EDAR: variants seen among roughly 807,000 people sequenced by gnomAD.
The protein encoded by EDAR is ectodysplasin A receptor.
Under a neutral mutation model 51.3 loss-of-function variants are expected in EDAR, and 38 were observed. The ratio of observed to expected loss-of-function variants is 0.74; its 90% confidence interval spans 0.57 to 0.97. The LOEUF is 0.97. Among genes scored for constraint, EDAR ranks in the 50% least tolerant of loss-of-function variants. The pLI, the probability that EDAR is intolerant of heterozygous loss-of-function variation, is 0.00. For missense variants in EDAR, 528 were observed against 595.0 expected, an observed-to-expected ratio of 0.89 and a Z score of 1.17; for synonymous variants, 227 against 242.1, an observed-to-expected ratio of 0.94 and a Z score of 0.58.
At chr2:108,929,420 C>T (rs377165508) in intron 3 of EDAR, 41 bp from the exon 4 acceptor site, 22 of 1,603,288 alleles carry the variant, frequency 1.4e-5, no homozygotes, top group Non-Finnish European at 1.8e-5. Context: ...GTGAGTGCAG[C>T]AGCCAAACCA....
Position 108,912,701 on chromosome 2 carries a change from G to A in EDAR, c.506C>T (p.Ser169Phe), listed in dbSNP as rs138954516. ...FPGTSGSSTL[S>F]PFQHAHKELS... ...ACCTTTGTGGGCGTGCTGGAAGGGAGACAGGGTGCTGCTGCCCGAGGTGCC... is the reference window on the plus strand; with the variant it reads ...ACCTTTGTGGGCGTGCTGGAAGGGAAACAGGGTGCTGCTGCCCGAGGTGCC... The change falls in exon 6 of 12, where the codon TCT becomes TTT. Residue 169 changes from serine (S) to phenylalanine (F), a missense_variant. Coordinates refer to ENST00000258443, the MANE Select transcript of EDAR (RefSeq NM_022336.4). 1.8e-5 allele frequency: 29 copies of A among 1,599,840 alleles called. No individual in the cohort carries two copies. The Admixed American group carries it at 4.6e-4, about 26-fold the overall frequency.
intron 6 of EDAR, among the ~76,000 whole-genome samples, chr2:108,911,308 C>G (rs913666532): frequency 1.3e-5 from 2 of 152,184 alleles, no homozygotes; most frequent in Admixed American, 6.5e-5. Flanking sequence ...CCAGACTTCT[C>G]TGGGGTCACC....
chr2:108,983,445 G>A (rs1698447555), intron 1 of EDAR, among the ~76,000 whole-genome samples: 1 of 152,086 alleles, frequency 6.6e-6, no homozygotes. Flanking sequence ...CATCTAACTG[G>A]GTAAATAAAA....
intron 1 of EDAR, among the ~76,000 whole-genome samples, chr2:108,966,113 T>C (rs1398755848): frequency 2.0e-5 from 3 of 152,212 alleles, no homozygotes; most frequent in Non-Finnish European, 1.5e-5. Flanking sequence ...AAGAAAGTCA[T>C]TAACACCTCA....
intron 5 of EDAR, among the ~76,000 whole-genome samples, chr2:108,921,471 G>T (rs1321330470): frequency 6.6e-6 from 1 of 152,210 alleles, no homozygotes. Flanking sequence ...GGAGGAAGAG[G>T]TGCTCTTGAC....
chr2:108,954,478 T>A (rs1697882872), intron 1 of EDAR, among the ~76,000 whole-genome samples: 1 of 152,132 alleles, frequency 6.6e-6, no homozygotes, highest in Non-Finnish European at 1.5e-5. Context: ...CCTGAAACTA[T>A]CCTTGGAAAA....
At chr2:108,967,633 T>C (rs1698170046) in intron 1 of EDAR, among the ~76,000 whole-genome samples, 1 of 152,232 alleles carries the variant, frequency 6.6e-6, no homozygotes. Context: ...AGAGTGTGTC[T>C]TTGTAGGAAA....
chr2:108,897,326 A>C lies in EDAR; in HGVS notation c.1025-97T>G, dbSNP rs1000629475. 2.4e-6 allele frequency: 3 copies of C among 1,266,230 alleles called. No homozygotes were observed. The African/African-American group carries it at 4.5e-5, about 19-fold the overall frequency. The allele number at this position is 1,266,230 out of a possible 1,614,324, so 78.4% of individuals were successfully genotyped here. ...TTAAATGAAATAAAAATTATTTGAA[A>C]AAAATTTTTTTAAAATTATAAAACA... is the stretch of plus-strand genomic sequence containing the variant. On this transcript the variant is annotated intron_variant, in intron 11 of 11. Coordinates refer to ENST00000258443, the MANE Select transcript of EDAR (RefSeq NM_022336.4).
intron 1 of EDAR, among the ~76,000 whole-genome samples, chr2:108,951,743 G>C (rs1201201937): frequency 2.0e-5 from 3 of 151,748 alleles, no homozygotes; most frequent in Admixed American, 2.0e-4. Flanking sequence ...GCGAGTCCAC[G>C]AGGTTCTCTT....
At chr2:108,949,003 G>A (rs1438795414) in intron 1 of EDAR, among the ~76,000 whole-genome samples, 2 of 152,162 alleles carry the variant, frequency 1.3e-5, no homozygotes, top group Non-Finnish European at 2.9e-5. Flanking sequence ...TTTAGGCAGA[G>A]TCTCACTCTG....
chr2:108,932,984 G>A (rs974787071), intron 1 of EDAR, among the ~76,000 whole-genome samples: 1 of 152,138 alleles, frequency 6.6e-6, no homozygotes, highest in Non-Finnish European at 1.5e-5. Context: ...CCTCGCTCCC[G>A]TAGGAAGAGG....
In EDAR at chr2:108,914,184, C is replaced by T. The variant is rs187651694; in HGVS notation, c.443-1420G>A. On this transcript the variant is annotated intron_variant, in intron 5 of 11. Transcript: ENST00000258443. ...CTGAGGTAGGAGAATCGCTTGAACC[C>T]GGGAGGTGGAGGTTGCAGTGAGCCG... 4.6e-3 allele frequency among the ~76,000 whole-genome samples: 697 copies of T among 151,268 alleles called. 6 individuals carry two copies. Among genetic ancestry groups the T allele is most frequent in the African/African-American group, 0.016 (648 of 41,110 alleles).
chr2:108,894,507 T>C lies in EDAR; in HGVS notation c.*2400A>G, dbSNP rs1696541818. On this transcript the variant is annotated 3_prime_UTR_variant, in exon 12 of 12. Coordinates refer to ENST00000258443, the MANE Select transcript of EDAR (RefSeq NM_022336.4). The stretch of plus-strand genomic sequence containing the variant: ...TGTTTATTGAGATTATAAAATATAA[T>C]AAGTTATATATATACAGAATTAGAC... 1 of 152,448 alleles carries C rather than the reference T, an allele frequency of 6.6e-6. No individual in the cohort carries two copies. The highest frequency in any genetic ancestry group is 1.5e-5 in the Non-Finnish European group (1 of 68,006). 9.4% of individuals were successfully genotyped at this position (152,448 alleles called of 1,614,324 possible).
At chr2:108,980,604 A>G (rs1449256154) in intron 1 of EDAR, among the ~76,000 whole-genome samples, 1 of 152,164 alleles carries the variant, frequency 6.6e-6, no homozygotes, top group East Asian at 1.9e-4. Context: ...GTAAAACAGG[A>G]GTCCAGGGGT....
rs200208516 is a variant in EDAR, at chr2:108,910,941, C to T, written c.655+6G>A. On this transcript the variant is annotated splice_donor_region_variant and intron_variant, in intron 7 of 11. Transcript: ENST00000258443. ...AAGCAGGGCACCGGCGCATGGGGGC[C>T]GTCACCTGGGGCAGAGGGCTTTGTC... 50 of 1,613,940 alleles carry T rather than the reference C, an allele frequency of 3.1e-5. No individual in the cohort carries two copies. Among genetic ancestry groups the T allele is most frequent in the Middle Eastern group, 3.3e-4 (2 of 6,082 alleles).
chr2:108,955,662 C>A (rs542534284), intron 1 of EDAR, among the ~76,000 whole-genome samples: 1 of 151,400 alleles, frequency 6.6e-6, no homozygotes, highest in African/African-American at 2.4e-5. Context: ...GCCGAGATCA[C>A]ACCACTGCAC....
At chr2:108,932,230 ATAAAT>A (rs1223136733) in intron 1 of EDAR, among the ~76,000 whole-genome samples, 1 of 152,172 alleles carries the variant, frequency 6.6e-6, no homozygotes, top group African/African-American at 2.4e-5. Context: ...ATTATTGGAA[ATAAAT>A]TAAGTTGGAG....
chr2:108,979,380 TC>T (rs1450784642), intron 1 of EDAR, among the ~76,000 whole-genome samples: 1 of 151,238 alleles, frequency 6.6e-6, no homozygotes, highest in Admixed American at 6.6e-5. Context: ...CCCCACCACT[TC>T]CCCCAGCCTG....
At chr2:108,917,693 G>A (rs1010653789) in intron 5 of EDAR, among the ~76,000 whole-genome samples, 2 of 151,980 alleles carry the variant, frequency 1.3e-5, no homozygotes, top group African/African-American at 2.4e-5. Flanking sequence ...CTGGCTGCAG[G>A]GCTGACCTCA....
Sources: allele counts gnomAD v4.1 joint callset (sites outside exome capture counted in the v4.1 genomes callset), GRCh38; gene constraint gnomAD v4.1.1; transcripts MANE v1.5; gene names NCBI Gene and HGNC (gene_info 2026-07-23, HGNC 2026-07-21).